The following NXPH1 variants were observed in gnomAD, a reference collection of about 807,000 sequenced individuals.
NXPH1 encodes neurexophilin-1.
Under a neutral mutation model 23.7 loss-of-function variants are expected in NXPH1, and 5 were observed. That is an observed-to-expected ratio of 0.21 (90% CI 0.11 to 0.44). The LOEUF (loss-of-function observed/expected upper bound fraction) is 0.44. Among genes scored for constraint, NXPH1 ranks in the 20% least tolerant of loss-of-function variants. The pLI is 0.99. For synonymous variants in NXPH1, 144 were observed against 122.2 expected (o/e 1.18, Z -1.18); for missense variants, 324 against 321.6 (o/e 1.01, Z -0.06).
At chr7:8,680,167 A>C (rs1336554979) in intron 2 of NXPH1, among the ~76,000 whole-genome samples, 2 of 152,278 alleles carry the variant, frequency 1.3e-5, no homozygotes, top group African/African-American at 4.8e-5. Context: ...GTATAAAAGA[A>C]ATTCAATTCA....
intron 2 of NXPH1, among the ~76,000 whole-genome samples, chr7:8,564,808 T>C (rs575080128): frequency 6.6e-6 from 1 of 151,926 alleles, no homozygotes; most frequent in South Asian, 2.1e-4. Flanking sequence ...ATGCACTCTG[T>C]GCTTTTTAGA....
At chr7:8,519,223 G>T (rs145089156) in intron 2 of NXPH1, among the ~76,000 whole-genome samples, 105 of 152,070 alleles carry the variant, frequency 6.9e-4, no homozygotes, top group African/African-American at 2.3e-3. Context: ...ATAAATGAAT[G>T]GTGTAAAAAA....
At chr7:8,609,649 C>A (rs549312687) in intron 2 of NXPH1, among the ~76,000 whole-genome samples, 1 of 152,188 alleles carries the variant, frequency 6.6e-6, no homozygotes, top group Non-Finnish European at 1.5e-5. Context: ...AAAATCCCAT[C>A]ACTTGTGTGA....
At chr7:8,694,412 G>A (rs942357837) in intron 2 of NXPH1, among the ~76,000 whole-genome samples, 2 of 152,164 alleles carry the variant, frequency 1.3e-5, no homozygotes, top group African/African-American at 4.8e-5. Context: ...GAACCACAGG[G>A]ATGACATTTT....
intron 2 of NXPH1, among the ~76,000 whole-genome samples, chr7:8,587,429 C>A (rs572346655): frequency 6.6e-6 from 1 of 152,030 alleles, no homozygotes; most frequent in Non-Finnish European, 1.5e-5. Flanking sequence ...TCTTCCCAAT[C>A]GGCATCCAAA....
At chr7:8,543,469 T>C (rs1011974966) in intron 2 of NXPH1, among the ~76,000 whole-genome samples, 1 of 151,606 alleles carries the variant, frequency 6.6e-6, no homozygotes, top group African/African-American at 2.4e-5. Flanking sequence ...AACTATAGTA[T>C]ACATTATAAT....
chr7:8,436,847 A>G (rs1816204527), intron 2 of NXPH1, among the ~76,000 whole-genome samples: 1 of 152,332 alleles, frequency 6.6e-6, no homozygotes, highest in Non-Finnish European at 1.5e-5. Flanking sequence ...AGCCTTAGAT[A>G]GAACCCATAA....
At chr7:8,542,697 T>C (rs910402555) in intron 2 of NXPH1, among the ~76,000 whole-genome samples, 2 of 151,572 alleles carry the variant, frequency 1.3e-5, no homozygotes, top group Admixed American at 6.6e-5. Context: ...AAATTACTTA[T>C]ACAACAATTC....
chr7:8,593,505 C>A (rs907333539), intron 2 of NXPH1, among the ~76,000 whole-genome samples: 1 of 151,818 alleles, frequency 6.6e-6, no homozygotes, highest in Non-Finnish European at 1.5e-5. Flanking sequence ...ATAAATTGCC[C>A]CCTAGTCTCC....
At chr7:8,560,347 A>T in intron 2 of NXPH1, among the ~76,000 whole-genome samples, 1 of 151,746 alleles carries the variant, frequency 6.6e-6, no homozygotes, top group East Asian at 1.9e-4. Flanking sequence ...GTAGCTGAAC[A>T]TGGATTTTCT....
rs10226325 is a variant in NXPH1, at chr7:8,623,482, T to C, written c.55-127526T>C. Among the ~76,000 whole-genome samples the C allele has an allele frequency of 9.9e-3, 1,495 of 151,606 alleles. 26 individuals carry two copies. Among genetic ancestry groups the C allele is most frequent in the African/African-American group, 0.034 (1,422 of 41,228 alleles). On this transcript the variant is annotated intron_variant, in intron 2 of 2. Coordinates refer to ENST00000405863, the MANE Select transcript of NXPH1 (RefSeq NM_152745.3). ...GAAAACTAAATACTTGAGAGAAAAA[T>C]TAAAAAGATAAAAGAAACAGAGTAA...
At chr7:8,648,474 G>A (rs1246097963) in intron 2 of NXPH1, among the ~76,000 whole-genome samples, 4 of 152,166 alleles carry the variant, frequency 2.6e-5, no homozygotes, top group South Asian at 2.1e-4. Flanking sequence ...TTCCACCCGC[G>A]TTGTTGCAAA....
intron 2 of NXPH1, among the ~76,000 whole-genome samples, chr7:8,654,703 C>T (rs539344435): frequency 3.3e-5 from 5 of 152,202 alleles, no homozygotes; most frequent in African/African-American, 1.2e-4. Flanking sequence ...TTTTCATAGA[C>T]ACATACTTTA....
chr7:8,718,254 A>G (rs1779910132), intron 2 of NXPH1, among the ~76,000 whole-genome samples: 1 of 152,202 alleles, frequency 6.6e-6, no homozygotes, highest in African/African-American at 2.4e-5. Flanking sequence ...GTGGCCTTCT[A>G]GCTCAGCTGT....
At chr7:8,633,631 C>T (rs6964288) in intron 2 of NXPH1, among the ~76,000 whole-genome samples, 41,920 of 152,030 alleles carry the variant, frequency 0.28, 6,247 homozygotes, top group African/African-American at 0.35. Flanking sequence ...AACCACTCAA[C>T]AGGATGTTTA....
chr7:8,478,827 A>G (rs1817024534), intron 2 of NXPH1, among the ~76,000 whole-genome samples: 1 of 152,018 alleles, frequency 6.6e-6, no homozygotes. Flanking sequence ...ATAACAGAAC[A>G]AAATGGAGTA....
chr7:8,488,756 G>A (rs1226556673), intron 2 of NXPH1, among the ~76,000 whole-genome samples: 1 of 152,094 alleles, frequency 6.6e-6, no homozygotes, highest in African/African-American at 2.4e-5. Flanking sequence ...TGGGCACAAT[G>A]GTAGGACTCA....
intron 2 of NXPH1, among the ~76,000 whole-genome samples, chr7:8,517,202 G>A (rs995736825): frequency 6.6e-6 from 1 of 152,094 alleles, no homozygotes; most frequent in Admixed American, 6.6e-5. Context: ...CGGGTGACTA[G>A]GCTGTTACAG....
intron 2 of NXPH1, among the ~76,000 whole-genome samples, chr7:8,701,000 T>C (rs1029028009): frequency 3.3e-5 from 5 of 152,080 alleles, no homozygotes; most frequent in Admixed American, 6.6e-5. Context: ...TAATGCTTTT[T>C]TGGAACACAG....
Sources: gnomAD v4.1 joint callset for allele counts (sites outside exome capture counted in the v4.1 genomes callset) on GRCh38, gnomAD v4.1.1 for gene constraint, MANE v1.5 for transcripts, NCBI Gene and HGNC (gene_info 2026-07-23, HGNC 2026-07-21) for gene names.